LAMB4: variants seen among roughly 807,000 people sequenced by gnomAD.
LAMB4 encodes the protein laminin subunit beta-4.
LAMB4 carries 196 observed loss-of-function variants against 199.2 expected under a neutral mutation model. The observed-to-expected ratio is 0.98, with a 90% CI of 0.88 to 1.11. The LOEUF (loss-of-function observed/expected upper bound fraction) is 1.11. LAMB4 is among the 50% of genes least tolerant of loss of function. LAMB4 has a pLI of 0.00. For missense variants in LAMB4, 2,080 were observed against 2,171.2 expected (o/e 0.96, Z 0.83); for synonymous variants, 744 against 770.6 (o/e 0.97, Z 0.57).
intron 8 of LAMB4, among the ~76,000 whole-genome samples, chr7:108,104,874 G>A (rs1038068579): frequency 2.6e-5 from 4 of 151,874 alleles, no homozygotes; most frequent in Admixed American, 2.6e-4. Flanking sequence ...CTAGTTTCAG[G>A]GCAGCACATT....
In LAMB4 at chr7:108,083,176, C is replaced by T. The variant is rs541322244; in HGVS notation, c.1702-3390G>A. The stretch of plus-strand genomic sequence containing the variant: ...TTTTCCAACAAGGGCAAGTGGGTTC[C>T]TTCTGTAGTCTGAAAGTGCTGAGGA... On this transcript the variant is annotated intron_variant, in intron 14 of 33. Transcript: ENST00000388781. 1.8e-4 allele frequency among the ~76,000 whole-genome samples: 28 copies of T among 152,298 alleles called. No homozygotes were observed. The South Asian group carries it at 2.9e-3, about 16-fold the overall frequency.
intron 25 of LAMB4, among the ~76,000 whole-genome samples, chr7:108,053,234 G>C (rs116123337): frequency 2.4e-3 from 360 of 152,312 alleles, no homozygotes; most frequent in African/African-American, 8.3e-3. Context: ...TGAAGCAATT[G>C]AAGCTTGGAG....
intron 2 of LAMB4, among the ~76,000 whole-genome samples, chr7:108,118,738 T>G (rs1015541134): frequency 6.6e-6 from 1 of 152,168 alleles, no homozygotes; most frequent in Non-Finnish European, 1.5e-5. Flanking sequence ...AGGTGAATAA[T>G]TTTTAGAATT....
chr7:108,065,684 G>T, intron 21 of LAMB4, 78 bp downstream of exon 21: 1 of 1,234,716 alleles, frequency 8.1e-7, no homozygotes, highest in Non-Finnish European at 1.2e-6. Context: ...AGACAGATAA[G>T]TCATGAATAT....
chr7:108,110,948 C>T (rs2038201913), intron 4 of LAMB4, among the ~76,000 whole-genome samples: 1 of 113,360 alleles, frequency 8.8e-6, no homozygotes, highest in African/African-American at 3.5e-5. Flanking sequence ...TATTCCCACA[C>T]TCCCTTCTAA....
chr7:108,043,941 A>C, intron 28 of LAMB4, 45 bp from the exon 29 acceptor site: 1 of 1,529,398 alleles, frequency 6.5e-7, no homozygotes, highest in Non-Finnish European at 8.8e-7. Flanking sequence ...CAATATACTC[A>C]ACAAAGTCAT....
chr7:108,023,874 TG>T lies in LAMB4; in HGVS notation c.*164del. The T allele has an allele frequency of 2.4e-6, 1 of 424,026 alleles. No individual in the cohort carries two copies. Among genetic ancestry groups the T allele is most frequent in the Non-Finnish European group, 4.1e-6 (1 of 243,248 alleles). The allele number at this position is 424,026 out of a possible 1,614,324, so 26.3% of individuals were successfully genotyped here. The stretch of plus-strand genomic sequence containing the variant: ...CAATTATGAAGTGGCATTTTCCTGG[TG>T]GCATTTCAACCTCCAGCCACACTGA... On this transcript the variant is annotated 3_prime_UTR_variant, in exon 34 of 34. Coordinates refer to ENST00000388781, the MANE Select transcript of LAMB4 (RefSeq NM_007356.3).
chr7:108,016,649 G>A, the LAMB4 span, among the ~76,000 whole-genome samples: 2 of 152,172 alleles, frequency 1.3e-5, no homozygotes, highest in Non-Finnish European at 2.9e-5. Context: ...AATCATATGT[G>A]AGAGCTGATA....
At chr7:108,063,121 T>C (rs1427162353) in intron 22 of LAMB4, 127 bp from the exon 23 acceptor site, 3 of 540,846 alleles carry the variant, frequency 5.5e-6, no homozygotes, top group Admixed American at 3.8e-5. Context: ...GAACGCCTTA[T>C]AATAGTAAAG....
chr7:108,012,918 C>A, the LAMB4 span, among the ~76,000 whole-genome samples: 1 of 152,306 alleles, frequency 6.6e-6, no homozygotes, highest in East Asian at 1.9e-4. Context: ...GTTCAACACC[C>A]CGCTCTGATG....
At chr7:108,113,314 G>A (rs747837314) in intron 3 of LAMB4, among the ~76,000 whole-genome samples, 3 of 152,170 alleles carry the variant, frequency 2.0e-5, no homozygotes, top group Non-Finnish European at 4.4e-5. Flanking sequence ...ATTTATTGCT[G>A]TATCTCCATT....
chr7:108,046,063 CTTTTTGTTTTTG>C (rs1452857056), intron 28 of LAMB4, among the ~76,000 whole-genome samples: 1 of 151,452 alleles, frequency 6.6e-6, no homozygotes, highest in Non-Finnish European at 1.5e-5. Flanking sequence ...AGGAGTGGGT[CTTTTTGTTTTTG>C]GTTTTGTTTT....
chr7:108,079,427 T>C (rs1017425362), intron 15 of LAMB4, among the ~76,000 whole-genome samples, 174 bp downstream of exon 15: 1 of 152,226 alleles, frequency 6.6e-6, no homozygotes, highest in Non-Finnish European at 1.5e-5. Flanking sequence ...TGCATATGGC[T>C]CACTGCGCTG....
rs1301740505 is a variant in LAMB4 at position 108,052,784 on chromosome 7, T to TC, written c.3756-528dup. Among the ~76,000 whole-genome samples, 19 of 152,308 alleles carry TC rather than the reference T, an allele frequency of 1.2e-4. No individual in the cohort carries two copies. The East Asian group carries it at 3.7e-3, about 29-fold the overall frequency. On this transcript the variant is annotated intron_variant, in intron 25 of 33. Coordinates refer to ENST00000388781, the MANE Select transcript of LAMB4 (RefSeq NM_007356.3). ...GGGAGGTTTTCTTGCTGGTGAGTGT[T>TC]CCCCTGGGTTTTTTTCCATCACCTT...
At position 108,062,803 on chromosome 7, in the gene LAMB4, T is replaced by G; in HGVS notation, c.3253A>C (p.Arg1085=). 1 of 1,509,548 alleles carries G rather than the reference T, an allele frequency of 6.6e-7. No homozygotes were observed. Among genetic ancestry groups the G allele is most frequent in the Non-Finnish European group, 8.9e-7 (1 of 1,127,734 alleles). 93.5% of individuals were successfully genotyped at this position (1,509,548 alleles called of 1,614,324 possible). Residue 1085 remains arginine (R), a synonymous_variant, in exon 23 of 34, where the codon AGG becomes CGG. Transcript: ENST00000388781. ...RGCQSCDCDP[R]TSQSSHCDQL... is the part of the protein sequence containing the mutation. ...TCACAGTGGCTACTTTGAGAGGTCC[T>G]AGGGTCACAGTCACATGACTGACAT...
At chr7:108,062,246 C>T (rs534048293) in intron 23 of LAMB4, among the ~76,000 whole-genome samples, 1 of 152,252 alleles carries the variant, frequency 6.6e-6, no homozygotes, top group East Asian at 1.9e-4. Flanking sequence ...GTATATGAAA[C>T]ATTGAAGATT....
chr7:108,061,705 C>T (rs372427189), intron 23 of LAMB4, among the ~76,000 whole-genome samples: 102 of 148,504 alleles, frequency 6.9e-4, no homozygotes, highest in African/African-American at 2.4e-3. Context: ...TACCACTGCC[C>T]TCAGGCCTGG....
intron 29 of LAMB4, among the ~76,000 whole-genome samples, chr7:108,041,655 A>C (rs1172876553): frequency 2.6e-5 from 4 of 152,232 alleles, no homozygotes; most frequent in African/African-American, 9.6e-5. Context: ...CAGAAAACCA[A>C]ATACCGCATG....
chr7:108,043,860 T>G lies in LAMB4; in HGVS notation c.4363A>C (p.Asn1455His), dbSNP rs1403114123. Residue 1455 changes from asparagine (N) to histidine (H), a missense_variant, in exon 29 of 34, where the codon AAC becomes CAC. Physicochemically the swap from Asn to His is moderately conservative, Grantham distance 68. Transcript: ENST00000388781. ...TTTTCCCTCAGCTGTAAGGCATTGT[T>G]TTTGGAGACTTCTGCCTGTTCACTT... ...SISEQAEVSK[N>H]NALQLREKLG... 1.2e-6 allele frequency: 2 copies of G among 1,608,574 alleles called. No individual in the cohort carries two copies. The highest frequency in any genetic ancestry group is 1.7e-6 in the Non-Finnish European group (2 of 1,178,134).
Sources: allele counts gnomAD v4.1 joint callset (sites outside exome capture counted in the v4.1 genomes callset), GRCh38; gene constraint gnomAD v4.1.1; transcripts MANE v1.5; gene names NCBI Gene and HGNC (gene_info 2026-07-23, HGNC 2026-07-21).